Variants in PALM2AKAP2 observed in about 807,000 individuals in gnomAD.
The protein encoded by PALM2AKAP2 is PALM2 and AKAP2 fusion.
A neutral mutation model predicts 71.5 loss-of-function variants in PALM2AKAP2; 37 were observed. That is an observed-to-expected ratio of 0.52 (90% confidence interval 0.40 to 0.68). PALM2AKAP2 has a LOEUF of 0.68. Among genes scored for constraint, PALM2AKAP2 ranks in the 30% least tolerant of loss-of-function variants. The probability of loss-of-function intolerance (pLI) is 0.00; values close to 1 mark genes in which losing one functional copy is unlikely to be tolerated. For missense variants in PALM2AKAP2, 1,224 were observed against 1,191.8 expected (o/e 1.03, Z -0.40); for synonymous variants, 468 against 478.8 (o/e 0.98, Z 0.29).
intron 1 of PALM2AKAP2, among the ~76,000 whole-genome samples, chr9:110,071,669 C>A (rs1834210870): frequency 1.3e-5 from 2 of 152,292 alleles, no homozygotes; most frequent in African/African-American, 4.8e-5. Flanking sequence ...TTGCTCTATG[C>A]CCTGATACAT....
At chr9:109,921,524 A>C (rs1393830425) in intron 3 of PALM2AKAP2, among the ~76,000 whole-genome samples, 1 of 152,238 alleles carries the variant, frequency 6.6e-6, no homozygotes, top group East Asian at 1.9e-4. Flanking sequence ...AATATATGGT[A>C]GACTTGATAA....
At chr9:109,996,950 A>G (rs1398345931) in intron 6 of PALM2AKAP2, among the ~76,000 whole-genome samples, 1 of 152,216 alleles carries the variant, frequency 6.6e-6, no homozygotes, top group Non-Finnish European at 1.5e-5. Flanking sequence ...GCACTTTGGG[A>G]GGCTGAAGCA....
intron 1 of PALM2AKAP2, among the ~76,000 whole-genome samples, chr9:109,673,315 C>T (rs991201405): frequency 1.6e-4 from 25 of 151,942 alleles, no homozygotes; most frequent in African/African-American, 5.8e-4. Context: ...ATCTTTGTTC[C>T]CGTTAGTTTC....
intron 1 of PALM2AKAP2, among the ~76,000 whole-genome samples, chr9:109,699,862 G>A (rs1309857402): frequency 6.6e-6 from 1 of 150,802 alleles, no homozygotes; most frequent in Non-Finnish European, 1.5e-5. Context: ...TGCAACCTCC[G>A]CCTCCCGGGT....
intron 1 of PALM2AKAP2, among the ~76,000 whole-genome samples, chr9:110,078,013 CA>C (rs34622810): frequency 0.022 from 2,186 of 97,460 alleles, 31 homozygotes; most frequent in African/African-American, 0.066. Context: ...GACTCAGTCT[CA>C]AAAAAAAAAA....
intron 2 of PALM2AKAP2, among the ~76,000 whole-genome samples, chr9:109,873,374 C>T (rs1022230554): frequency 4.0e-5 from 6 of 151,612 alleles, no homozygotes; most frequent in Non-Finnish European, 7.4e-5. Flanking sequence ...AGGTGGAGGT[C>T]GCAGTGAGCC....
intron 1 of PALM2AKAP2, among the ~76,000 whole-genome samples, chr9:109,645,408 C>T (rs771606014): frequency 9.9e-5 from 15 of 152,206 alleles, no homozygotes; most frequent in African/African-American, 1.7e-4. Context: ...AGCTACAAGA[C>T]GAGATTTGGG....
intron 2 of PALM2AKAP2, among the ~76,000 whole-genome samples, chr9:109,874,470 C>G (rs1759621260): frequency 6.6e-6 from 1 of 152,154 alleles, no homozygotes; most frequent in Non-Finnish European, 1.5e-5. Flanking sequence ...TCATGGGATG[C>G]TTGTGAAAGT....
At chr9:109,810,905 C>T (rs779458866) in intron 1 of PALM2AKAP2, among the ~76,000 whole-genome samples, 9 of 152,044 alleles carry the variant, frequency 5.9e-5, no homozygotes, top group Non-Finnish European at 1.2e-4. Context: ...TGTGCGGGAG[C>T]CTGTGGTGGC....
intron 1 of PALM2AKAP2, among the ~76,000 whole-genome samples, chr9:109,656,610 A>G (rs1252641247): frequency 2.0e-5 from 3 of 152,156 alleles, no homozygotes; most frequent in African/African-American, 7.2e-5. Flanking sequence ...GAGGAGTTAC[A>G]CAATCTGATA....
At chr9:109,963,122 G>GT (rs1831882008) in intron 6 of PALM2AKAP2, among the ~76,000 whole-genome samples, 1 of 152,112 alleles carries the variant, frequency 6.6e-6, no homozygotes, top group African/African-American at 2.4e-5. Flanking sequence ...AATGAGTATG[G>GT]TTTTCAGTAA....
intron 3 of PALM2AKAP2, among the ~76,000 whole-genome samples, chr9:110,165,284 TCA>T (rs58758256): frequency 0.09 from 12,835 of 142,102 alleles, 576 homozygotes; most frequent in South Asian, 0.11. Context: ...TGCTAGAGAT[TCA>T]CACACACACA....
At chr9:109,843,565 T>G (rs1206771288) in intron 1 of PALM2AKAP2, among the ~76,000 whole-genome samples, 1 of 152,148 alleles carries the variant, frequency 6.6e-6, no homozygotes, top group African/African-American at 2.4e-5. Context: ...ATTTTACAGA[T>G]TAGAGTATGT....
intron 1 of PALM2AKAP2, among the ~76,000 whole-genome samples, chr9:109,701,036 T>C (rs558427095): frequency 6.6e-6 from 1 of 152,332 alleles, no homozygotes; most frequent in South Asian, 2.1e-4. Context: ...GAAAAGGGAA[T>C]ATTTTAAAGA....
rs1828480627 is a variant in PALM2AKAP2 at position 109,726,594 on chromosome 9, A to G, written c.6-53894A>G. ...TGTTTGCTTTCCATTGTTTTCAACT[A>G]AGAATCCTCACTAATACATAGTTAT... On this transcript the variant is annotated intron_variant, in intron 1 of 6. Coordinates refer to the PALM2AKAP2 transcript ENST00000374531. Among the ~76,000 whole-genome samples, 3 of 152,232 alleles carry G rather than the reference A, an allele frequency of 2.0e-5. No individual in the cohort carries two copies. The South Asian group carries it at 6.2e-4, about 32-fold the overall frequency.
intron 1 of PALM2AKAP2, among the ~76,000 whole-genome samples, chr9:109,702,739 T>G (rs1279482257): frequency 2.1e-5 from 3 of 144,188 alleles, no homozygotes; most frequent in African/African-American, 7.9e-5. Context: ...CCCTAAAACT[T>G]AAGGTATAAT....
At chr9:109,875,700 C>T (rs752226531) in intron 2 of PALM2AKAP2, among the ~76,000 whole-genome samples, 21 of 152,188 alleles carry the variant, frequency 1.4e-4, no homozygotes, top group Non-Finnish European at 2.5e-4. Context: ...AGGCCTTATG[C>T]GAGACTTAGA....
chr9:110,100,178 A>C (rs993903162), intron 1 of PALM2AKAP2, among the ~76,000 whole-genome samples: 5 of 151,356 alleles, frequency 3.3e-5, no homozygotes, highest in African/African-American at 1.2e-4. Context: ...GAAGGGTAAG[A>C]AATTCAACCT....
At chr9:110,123,684 T>G (rs1300941497) in intron 1 of PALM2AKAP2, among the ~76,000 whole-genome samples, 1 of 152,204 alleles carries the variant, frequency 6.6e-6, no homozygotes, top group Admixed American at 6.5e-5. Flanking sequence ...TGGAAAATAG[T>G]ACTTTAAGAG....
Sources: allele counts gnomAD v4.1 joint callset (sites outside exome capture counted in the v4.1 genomes callset), GRCh38; gene constraint gnomAD v4.1.1; transcripts MANE v1.5; gene names NCBI Gene and HGNC (gene_info 2026-07-23, HGNC 2026-07-21).